MACROD2: variants seen among roughly 807,000 people sequenced by gnomAD.
The protein encoded by MACROD2 is ADP-ribose glycohydrolase MACROD2.
Under a neutral mutation model 70.4 loss-of-function variants are expected in MACROD2, and 36 were observed. The ratio of observed to expected loss-of-function variants is 0.51; its 90% CI spans 0.39 to 0.68. MACROD2 has a LOEUF of 0.68. Among genes scored for constraint, MACROD2 ranks in the 30% least tolerant of loss-of-function variants. The pLI is 0.00. For synonymous variants in MACROD2, 172 were observed against 178.8 expected, an observed-to-expected ratio of 0.96 and a Z score of 0.30; for missense variants, 496 against 538.4, an observed-to-expected ratio of 0.92 and a Z score of 0.78.
chr20:14,691,826 A>G (rs1170618406), intron 5 of MACROD2, among the ~76,000 whole-genome samples: 4 of 152,164 alleles, frequency 2.6e-5, no homozygotes, highest in Non-Finnish European at 4.4e-5. Flanking sequence ...AATGACTTAT[A>G]TTACACAAAG....
chr20:14,034,802 A>T (rs868184651), intron 2 of MACROD2, among the ~76,000 whole-genome samples: 1 of 152,234 alleles, frequency 6.6e-6, no homozygotes, highest in African/African-American at 2.4e-5. Context: ...ATTTAAAAAA[A>T]TGTTTTTTCT....
intron 8 of MACROD2, among the ~76,000 whole-genome samples, chr20:15,770,456 A>C (rs1307842273): frequency 6.6e-6 from 1 of 152,082 alleles, no homozygotes. Flanking sequence ...ATAATTCCAG[A>C]AGACTTTCCC....
intron 6 of MACROD2, among the ~76,000 whole-genome samples, chr20:15,266,180 T>A (rs2077292753): frequency 6.6e-6 from 1 of 152,228 alleles, no homozygotes; most frequent in Non-Finnish European, 1.5e-5. Context: ...TAAAGATTCA[T>A]AAGCCACAAT....
chr20:14,874,312 T>G (rs2073524397), intron 5 of MACROD2, among the ~76,000 whole-genome samples: 1 of 151,240 alleles, frequency 6.6e-6, no homozygotes, highest in Non-Finnish European at 1.5e-5. Context: ...ATTTATTTAT[T>G]TATTTATTTA....
At chr20:15,753,529 A>G (rs1352033969) in intron 8 of MACROD2, among the ~76,000 whole-genome samples, 4 of 152,180 alleles carry the variant, frequency 2.6e-5, no homozygotes, top group Non-Finnish European at 4.4e-5. Flanking sequence ...ATGGGCATCT[A>G]TGTTGATTCC....
At chr20:14,261,937 A>G (rs1042106890) in intron 3 of MACROD2, among the ~76,000 whole-genome samples, 15 of 152,124 alleles carry the variant, frequency 9.9e-5, no homozygotes, top group Non-Finnish European at 1.8e-4. Flanking sequence ...TAAAGATGCT[A>G]GTGACCATCT....
At chr20:14,754,399 T>A (rs180821738) in intron 5 of MACROD2, among the ~76,000 whole-genome samples, 1 of 152,306 alleles carries the variant, frequency 6.6e-6, no homozygotes, top group Non-Finnish European at 1.5e-5. Flanking sequence ...AGAGATGTTA[T>A]TAACTGTGGT....
intron 4 of MACROD2, among the ~76,000 whole-genome samples, chr20:14,548,819 C>T (rs1978451942): frequency 6.7e-6 from 1 of 149,770 alleles, no homozygotes; most frequent in Admixed American, 6.6e-5. Flanking sequence ...ATTAAATGAA[C>T]AGAGGAGTGG....
intron 3 of MACROD2, among the ~76,000 whole-genome samples, chr20:14,435,836 A>G (rs2084050343): frequency 1.3e-5 from 2 of 151,820 alleles, no homozygotes; most frequent in Non-Finnish European, 2.9e-5. Context: ...CCTCCCAAGT[A>G]GCTGGGTCTA....
chr20:15,114,167 A>G (rs754499236), intron 5 of MACROD2, among the ~76,000 whole-genome samples: 4 of 152,194 alleles, frequency 2.6e-5, no homozygotes, highest in African/African-American at 7.2e-5. Flanking sequence ...GCTGTCCTGC[A>G]TCAGACCTCT....
Position 14,778,165 on chromosome 20 carries a change from G to C in MACROD2, c.418+93206G>C, listed in dbSNP as rs1600654140. 2.0e-5 allele frequency among the ~76,000 whole-genome samples: 3 copies of C among 152,254 alleles called. No individual in the cohort carries two copies. In the East Asian group the frequency reaches 5.8e-4, roughly 29 times the overall value. ...GCCATTTTCAAATTGAGGTTGAGCT[G>C]ATTCCTCACTGCTTCATGTTGCGAG... is the stretch of plus-strand genomic sequence containing the variant. On this transcript the variant is annotated intron_variant, in intron 5 of 17. Coordinates refer to ENST00000684519, the MANE Select transcript of MACROD2 (RefSeq NM_001351661.2).
intron 4 of MACROD2, among the ~76,000 whole-genome samples, chr20:14,534,141 G>A (rs2123214418): frequency 6.6e-6 from 1 of 152,320 alleles, no homozygotes; most frequent in African/African-American, 2.4e-5. Flanking sequence ...TGAGGATGGT[G>A]TGGAGATCCA....
chr20:15,241,638 G>C (rs2077060421), intron 6 of MACROD2, among the ~76,000 whole-genome samples: 1 of 151,816 alleles, frequency 6.6e-6, no homozygotes, highest in African/African-American at 2.4e-5. Context: ...TCAGGACGCT[G>C]TCTTGCAGAA....
intron 2 of MACROD2, among the ~76,000 whole-genome samples, chr20:14,052,766 A>T (rs17812586): frequency 0.014 from 2,169 of 152,112 alleles, 16 homozygotes; most frequent in Non-Finnish European, 0.025. Flanking sequence ...CTTTTATTTG[A>T]AGTTTTAGAA....
intron 13 of MACROD2, among the ~76,000 whole-genome samples, chr20:15,977,509 C>T (rs769086108): frequency 3.9e-5 from 6 of 152,138 alleles, no homozygotes; most frequent in Admixed American, 3.3e-4. Flanking sequence ...AAGACTTTAC[C>T]TTGTTGTTAA....
chr20:15,843,581 T>A (rs751850025), intron 8 of MACROD2, among the ~76,000 whole-genome samples: 1 of 152,170 alleles, frequency 6.6e-6, no homozygotes, highest in Non-Finnish European at 1.5e-5. Flanking sequence ...TGCAAATCGA[T>A]TAACTTCAAG....
chr20:14,446,223 C>CTT (rs1401923584), intron 3 of MACROD2, among the ~76,000 whole-genome samples: 1 of 151,984 alleles, frequency 6.6e-6, no homozygotes, highest in African/African-American at 2.4e-5. Context: ...TGGATGGAAT[C>CTT]ATAATAGTAA....
chr20:15,749,798 C>T (rs957911740), intron 8 of MACROD2, among the ~76,000 whole-genome samples: 5 of 151,888 alleles, frequency 3.3e-5, no homozygotes, highest in African/African-American at 1.2e-4. Flanking sequence ...TACTGACTAT[C>T]GAAAGGCAGA....
At chr20:15,653,828 T>C (rs2049683832) in intron 8 of MACROD2, among the ~76,000 whole-genome samples, 1 of 152,172 alleles carries the variant, frequency 6.6e-6, no homozygotes, top group Non-Finnish European at 1.5e-5. Flanking sequence ...ACTGGAAAAC[T>C]GGTAAGACCT....
Sources: allele counts gnomAD v4.1 joint callset (sites outside exome capture counted in the v4.1 genomes callset), GRCh38; gene constraint gnomAD v4.1.1; transcripts MANE v1.5; gene names NCBI Gene and HGNC (gene_info 2026-07-23, HGNC 2026-07-21).